Variants in MYOM1 observed in about 807,000 individuals in gnomAD.
MYOM1 encodes the protein myomesin 1.
Under a neutral mutation model 205.3 loss-of-function variants are expected in MYOM1, and 164 were observed. The observed-to-expected ratio is 0.80, with a 90% CI of 0.70 to 0.91. The LOEUF is 0.91. MYOM1 is among the 40% of genes least tolerant of loss of function. The pLI, the probability that MYOM1 is intolerant of heterozygous loss-of-function variation, is 0.00. For synonymous variants in MYOM1, 772 were observed against 789.4 expected (o/e 0.98, Z 0.37); for missense variants, 2,011 against 2,127.3 (o/e 0.95, Z 1.08).
At chr18:3,191,409 C>A (rs535145688) in intron 3 of MYOM1, among the ~76,000 whole-genome samples, 1 of 152,296 alleles carries the variant, frequency 6.6e-6, no homozygotes, top group Non-Finnish European at 1.5e-5. Context: ...AGTCACTCTG[C>A]CATGATTTCC....
intron 10 of MYOM1, among the ~76,000 whole-genome samples, chr18:3,159,322 G>T (rs1242482413): frequency 6.6e-6 from 1 of 152,088 alleles, no homozygotes; most frequent in Non-Finnish European, 1.5e-5. Context: ...TACACTGATC[G>T]TTCTGGTGTG....
At chr18:3,143,617 C>A (rs1361504366) in intron 13 of MYOM1, among the ~76,000 whole-genome samples, 1 of 151,982 alleles carries the variant, frequency 6.6e-6, no homozygotes, top group Admixed American at 6.6e-5. Context: ...AATACTGTTG[C>A]AGGACAGGCA....
chr18:3,082,520 G>A (rs1415219222), intron 33 of MYOM1, among the ~76,000 whole-genome samples: 2 of 152,136 alleles, frequency 1.3e-5, no homozygotes, highest in African/African-American at 4.8e-5. Flanking sequence ...AGGGTACAGT[G>A]TAAGGAAACT....
intron 22 of MYOM1, among the ~76,000 whole-genome samples, chr18:3,105,691 T>C (rs180985517): frequency 1.4e-4 from 21 of 152,056 alleles, no homozygotes; most frequent in Admixed American, 1.0e-3. Context: ...CCTGTCTCTA[T>C]TAAAAATATA....
At chr18:3,197,666 G>T (rs943143898) in intron 2 of MYOM1, among the ~76,000 whole-genome samples, 2 of 151,908 alleles carry the variant, frequency 1.3e-5, no homozygotes, top group Non-Finnish European at 2.9e-5. Context: ...GAGGTCAGGA[G>T]ATCGAGACCA....
intron 33 of MYOM1, among the ~76,000 whole-genome samples, chr18:3,081,051 G>C (rs12604123): frequency 0.67 from 102,060 of 151,384 alleles, 37,228 homozygotes; most frequent in Admixed American, 0.8. Flanking sequence ...AGAATTGCTT[G>C]ACCCTGGAGG....
At chr18:3,153,544 T>G (rs1421686777) in intron 11 of MYOM1, among the ~76,000 whole-genome samples, 1 of 152,108 alleles carries the variant, frequency 6.6e-6, no homozygotes, top group Non-Finnish European at 1.5e-5. Flanking sequence ...TGGTCAAAGT[T>G]TAAAAATCCC....
Position 3,079,259 on chromosome 18 carries a change from G to A in MYOM1, c.4568C>T (p.Pro1523Leu), listed in dbSNP as rs761317710. ...QIWLQINEPT[P>L]NDKGKYVMEL... ...CATGACATACTTCCCTTTGTCATTC[G>A]GGGTGGGCTCGTTGATTTGTAGCCA... The change falls in exon 34 of 38, where the codon CCG (proline) becomes CTG (leucine). Residue 1523 changes from proline to leucine, a missense_variant. Coordinates refer to ENST00000356443, the MANE Select transcript of MYOM1 (RefSeq NM_003803.4). 3.0e-5 allele frequency: 49 copies of A among 1,613,690 alleles called. No homozygotes were observed. The highest frequency in any genetic ancestry group is 5.0e-5 in the Admixed American group (3 of 59,976).
chr18:3,236,977 G>A, the MYOM1 span, among the ~76,000 whole-genome samples: 2 of 152,080 alleles, frequency 1.3e-5, no homozygotes, highest in African/African-American at 2.4e-5. Context: ...GTGAGGGAGT[G>A]AGCACCTTTT....
intron 18 of MYOM1, among the ~76,000 whole-genome samples, chr18:3,128,246 T>C (rs2079823251): frequency 6.6e-6 from 1 of 152,230 alleles, no homozygotes; most frequent in Non-Finnish European, 1.5e-5. Context: ...TTGTTGAATA[T>C]GTGCTCTCAA....
At chr18:3,169,800 T>C (rs994521488) in intron 8 of MYOM1, among the ~76,000 whole-genome samples, 1 of 152,222 alleles carries the variant, frequency 6.6e-6, no homozygotes, top group Non-Finnish European at 1.5e-5. Flanking sequence ...TGGGTTTATA[T>C]CTTAAAGAAA....
intron 19 of MYOM1, among the ~76,000 whole-genome samples, chr18:3,122,806 C>CA (rs2079716437): frequency 6.6e-6 from 1 of 152,000 alleles, no homozygotes; most frequent in Non-Finnish European, 1.5e-5. Flanking sequence ...TCAATAGACC[C>CA]CAAAAATGTT....
intron 2 of MYOM1, among the ~76,000 whole-genome samples, chr18:3,202,271 GTAAT>G (rs1467194332): frequency 4.6e-5 from 7 of 152,042 alleles, no homozygotes; most frequent in Admixed American, 6.6e-5. Context: ...CAATAAAGGA[GTAAT>G]TAAAGAGATA....
At chr18:3,111,264 CTT>C (rs2079523988) in intron 22 of MYOM1, among the ~76,000 whole-genome samples, 1 of 150,752 alleles carries the variant, frequency 6.6e-6, no homozygotes, top group South Asian at 2.1e-4. Context: ...CTTTATGTAA[CTT>C]TAATGAACTG....
At chr18:3,161,128 C>CTA (rs2080385100) in intron 10 of MYOM1, among the ~76,000 whole-genome samples, 1 of 152,186 alleles carries the variant, frequency 6.6e-6, no homozygotes, top group Non-Finnish European at 1.5e-5. Flanking sequence ...TTGCTAATTG[C>CTA]AGTGTGTTGG....
rs2081225856 is a variant in MYOM1 at position 3,214,197 on chromosome 18, C to T, written c.290+737G>A. Among the ~76,000 whole-genome samples, 3 of 152,132 alleles carry T rather than the reference C, an allele frequency of 2.0e-5. No individual in the cohort carries two copies. In the South Asian group the frequency reaches 6.2e-4, roughly 32 times the overall value. On this transcript the variant is annotated intron_variant, in intron 2 of 37. Coordinates refer to ENST00000356443, the MANE Select transcript of MYOM1 (RefSeq NM_003803.4). ...AAAAATATTTAATAGAATATATCTT[C>T]GCAGTAGTTCAGTCTCCTGTGCCCT... is the stretch of plus-strand genomic sequence containing the variant.
rs1312214920 is a variant in MYOM1, at chr18:3,209,681, AC to A, written c.290+5252del. Among the ~76,000 whole-genome samples, 1 of 152,004 alleles carries A rather than the reference AC, an allele frequency of 6.6e-6. No individual in the cohort carries two copies. The highest frequency in any genetic ancestry group is 2.4e-5 in the African/African-American group (1 of 41,370). On this transcript the variant is annotated intron_variant, in intron 2 of 37. Transcript: ENST00000356443. This position sits in a 1 kb window ranked among gnomAD's most constrained non-coding sequence, Gnocchi z 4.0. ...AGTGGCTGTCCCTGATGCCTGGTGCACCTTTACCCAGATAACCTCATGGCTA... is the reference window on the plus strand; with the variant it reads ...AGTGGCTGTCCCTGATGCCTGGTGCACTTTACCCAGATAACCTCATGGCTA...
In MYOM1 at chr18:3,123,551, T is replaced by G. The variant is rs2079729916; in HGVS notation, c.2991+3150A>C. 2.0e-5 allele frequency among the ~76,000 whole-genome samples: 3 copies of G among 152,038 alleles called. No homozygotes were observed. In the South Asian group the frequency reaches 6.2e-4, roughly 31 times the overall value. On this transcript the variant is annotated intron_variant, in intron 19 of 37. Coordinates refer to ENST00000356443, the MANE Select transcript of MYOM1 (RefSeq NM_003803.4). ...AGGTTCAATATTTTTTAAATGTCAA[T>G]TATTCCTTAATTTTTTTACAGATTC...
In MYOM1 at chr18:3,102,510, T is replaced by G. The variant is rs188319622; in HGVS notation, c.3539A>C (p.Asp1180Ala). 2.4e-5 allele frequency: 38 copies of G among 1,613,178 alleles called. No individual in the cohort carries two copies. The East Asian group carries it at 2.7e-4, about 11-fold the overall frequency. The change falls in exon 23 of 38, where the codon GAC (aspartate) becomes GCC (alanine). Residue 1180 changes from aspartate to alanine, a missense_variant. Coordinates refer to ENST00000356443, the MANE Select transcript of MYOM1 (RefSeq NM_003803.4). ...SWSKDYVSTEDSPRLEVESKG... is the reference protein window; with the variant it reads ...SWSKDYVSTEASPRLEVESKG... Reference sequence around the variant, plus strand: ...GCTTTCGACTTCCAATCGTGGAGAGTCCTCAGTGGATACATAATCTTTGGA... The same window carrying G: ...GCTTTCGACTTCCAATCGTGGAGAGGCCTCAGTGGATACATAATCTTTGGA...
Sources: allele counts gnomAD v4.1 joint callset (sites outside exome capture counted in the v4.1 genomes callset), GRCh38; gene constraint gnomAD v4.1.1; non-coding constraint Gnocchi (gnomAD v3.1); transcripts MANE v1.5; gene names NCBI Gene and HGNC (gene_info 2026-07-23, HGNC 2026-07-21).